USP26: variants seen among roughly 807,000 people sequenced by gnomAD.
USP26 encodes the protein ubiquitin specific peptidase 26, also known as ubiquitin carboxyl-terminal hydrolase 26.
For synonymous variants in USP26, 236 were observed against 240.6 expected, an observed-to-expected ratio of 0.98 and a Z score of 0.18; for missense variants, 649 against 642.3, an observed-to-expected ratio of 1.01 and a Z score of -0.11.
Position 133,039,771 on chromosome X carries a change from G to A in USP26, c.-76-11475C>T, listed in dbSNP as rs951521947. On this transcript the variant is annotated intron_variant, in intron 5 of 5. Transcript: ENST00000511190. ...TGTTAATTTTCTGTTTCATTGATCC[G>A]TCTAATATCGACAGTGGTGTGTTAA... 1.1e-4 allele frequency among the ~76,000 whole-genome samples: 12 copies of A among 111,409 alleles called. No homozygotes were observed. In the East Asian group the frequency reaches 1.4e-3, roughly 13 times the overall value.
intron 4 of USP26, among the ~76,000 whole-genome samples, chrX:133,086,899 G>A (rs1261944461): frequency 1.2e-5 from 1 of 81,677 alleles, no homozygotes; most frequent in African/African-American, 5.1e-5. Context: ...CGGTGACAGA[G>A]AGAGACTCTG....
chrX:133,052,689 G>C (rs1279580148), intron 5 of USP26, among the ~76,000 whole-genome samples: 3 of 112,252 alleles, frequency 2.7e-5, no homozygotes, highest in Non-Finnish European at 5.6e-5. Context: ...ATTTCAGGGA[G>C]AGTCTGAAGA....
At chrX:133,092,407 T>C (rs1445620730) in intron 1 of USP26, among the ~76,000 whole-genome samples, 1 of 112,084 alleles carries the variant, frequency 8.9e-6, no homozygotes, top group Admixed American at 9.5e-5. Flanking sequence ...AGCATTCTCA[T>C]GGTGTATTCG....
At chrX:133,037,217 G>A (rs1253182375) in intron 5 of USP26, among the ~76,000 whole-genome samples, 1 of 112,008 alleles carries the variant, frequency 8.9e-6, no homozygotes, top group Non-Finnish European at 1.9e-5. Context: ...TGTTGCAATT[G>A]CTTTTGGTGT....
At chrX:133,036,268 A>G (rs1342265884) in intron 5 of USP26, among the ~76,000 whole-genome samples, 1 of 109,946 alleles carries the variant, frequency 9.1e-6, no homozygotes, top group Non-Finnish European at 1.9e-5. Flanking sequence ...TGAACCCATC[A>G]TCTAGGTTTT....
At chrX:133,074,897 A>T (rs1354511826) in intron 5 of USP26, among the ~76,000 whole-genome samples, 1 of 112,278 alleles carries the variant, frequency 8.9e-6, no homozygotes, top group Non-Finnish European at 1.9e-5. Context: ...ATAGAAAACC[A>T]ATAGATTGTC....
In USP26 at chrX:133,026,006, T is replaced by C. The variant is rs2067345839; in HGVS notation, c.2215A>G (p.Thr739Ala). ...ATTCTCATACCGTCACACTGCTGAG[T>C]CTGTTCAGACACTTTTTGGAATCTT... ...PERFQKVSEQ[T>A]QQCDGMRICE... Residue 739 changes from threonine to alanine, a missense_variant, in exon 6 of 6, where the codon ACT (threonine) becomes GCT (alanine). Coordinates refer to ENST00000511190, the MANE Select transcript of USP26 (RefSeq NM_031907.3). The C allele has an allele frequency of 8.3e-7, 1 of 1,208,150 alleles. No individual in the cohort carries two copies. Among genetic ancestry groups the C allele is most frequent in the Non-Finnish European group, 1.1e-6 (1 of 893,899 alleles).
intron 5 of USP26, among the ~76,000 whole-genome samples, chrX:133,032,640 T>C (rs751592704): frequency 3.6e-5 from 4 of 112,063 alleles, no homozygotes; most frequent in Non-Finnish European, 5.6e-5. Context: ...TTCAGGTGTG[T>C]AATAGGCAGA....
At chrX:133,083,188 T>C (rs917492625) in intron 5 of USP26, among the ~76,000 whole-genome samples, 2 of 112,086 alleles carry the variant, frequency 1.8e-5, no homozygotes, top group African/African-American at 6.5e-5. Context: ...GGAATAGCAA[T>C]AAACTTCAGT....
intron 5 of USP26, among the ~76,000 whole-genome samples, chrX:133,069,032 G>GT (rs1157155334): frequency 9.0e-6 from 1 of 111,386 alleles, no homozygotes; most frequent in Non-Finnish European, 1.9e-5. Flanking sequence ...TATTCGAGAT[G>GT]TTTTTTAATG....
intron 5 of USP26, among the ~76,000 whole-genome samples, chrX:133,073,031 T>C (rs577197200): frequency 2.7e-5 from 3 of 111,960 alleles, no homozygotes; most frequent in African/African-American, 9.7e-5. Context: ...GGATAAATAA[T>C]TCAAATGGAA....
At chrX:133,039,275 T>C (rs757233638) in intron 5 of USP26, among the ~76,000 whole-genome samples, 8 of 112,007 alleles carry the variant, frequency 7.1e-5, no homozygotes, top group South Asian at 3.7e-4. Context: ...ATTTTAGATC[T>C]TTCCTGCTTT....
chrX:133,025,976 C>G lies in USP26; in HGVS notation c.2245G>C (p.Glu749Gln). The G allele has an allele frequency of 8.3e-7, 1 of 1,211,083 alleles. No individual in the cohort carries two copies. The change falls in exon 6 of 6, where the codon GAA (glutamate) becomes CAA (glutamine). Residue 749 changes from glutamate to glutamine, a missense_variant. Physicochemically the swap from Glu to Gln is conservative, Grantham distance 29. Transcript: ENST00000511190. ...GGCAGTGCCTGCTGAGGGGCTTGTTCACAGATTCTCATACCGTCACACTGC... is the reference window on the plus strand; with the variant it reads ...GGCAGTGCCTGCTGAGGGGCTTGTTGACAGATTCTCATACCGTCACACTGC... ...TQQCDGMRIC[E>Q]QAPQQALPQS...
chrX:133,070,000 C>T (rs1165018000), intron 5 of USP26, among the ~76,000 whole-genome samples: 3 of 111,316 alleles, frequency 2.7e-5, no homozygotes, highest in Non-Finnish European at 3.8e-5. Flanking sequence ...GCAGAAGCAA[C>T]GAACAGAGAA....
Position 133,026,263 on chromosome X carries a change from G to T in USP26, c.1958C>A (p.Pro653Gln), listed in dbSNP as rs148955505. The change falls in exon 6 of 6, where the codon CCG becomes CAG. Residue 653 changes from proline to glutamine, a missense_variant. By Grantham distance (76) the Pro-to-Gln change is moderately conservative. Transcript: ENST00000511190. The part of the protein sequence containing the change: ...SGDRAFIEKE[P>Q]LAHLMTYLED... ...CAGATACGTCATTAAGTGAGCTAAC[G>T]GTTCTTTTTCAATGAATGCTCGATC... The T allele has an allele frequency of 1.7e-6, 2 of 1,205,544 alleles. No homozygotes were observed. The highest frequency in any genetic ancestry group is 3.6e-5 in the African/African-American group (2 of 55,993).
At chrX:133,055,119 T>G (rs2067471215) in intron 5 of USP26, among the ~76,000 whole-genome samples, 1 of 112,494 alleles carries the variant, frequency 8.9e-6, no homozygotes, top group African/African-American at 3.2e-5. Flanking sequence ...AAAAAAAGCT[T>G]AAAGTGGCTG....
rs760995856 is a variant in USP26, at chrX:133,044,177, G to A, written c.-76-15881C>T. 2.7e-5 allele frequency among the ~76,000 whole-genome samples: 3 copies of A among 112,999 alleles called. No individual in the cohort carries two copies. In the South Asian group the frequency reaches 1.1e-3, roughly 41 times the overall value. ...TCTGAATAAGGAAAACAAATCACAA[G>A]CTGACAGCTTATGATAATGAGAGGT... On this transcript the variant is annotated intron_variant, in intron 5 of 5. Coordinates refer to ENST00000511190, the MANE Select transcript of USP26 (RefSeq NM_031907.3).
At chrX:133,071,132 G>A (rs1417100798) in intron 5 of USP26, among the ~76,000 whole-genome samples, 1 of 110,943 alleles carries the variant, frequency 9.0e-6, no homozygotes, top group Non-Finnish European at 1.9e-5. Context: ...CAGGAGAATT[G>A]CTTGAACCCA....
At chrX:133,088,099 G>A (rs766096063) in intron 4 of USP26, among the ~76,000 whole-genome samples, 1 of 111,824 alleles carries the variant, frequency 8.9e-6, no homozygotes, top group South Asian at 3.8e-4. Context: ...GAGCCCAGGA[G>A]TTCAAGACTG....
Sources: allele counts gnomAD v4.1 joint callset (sites outside exome capture counted in the v4.1 genomes callset), GRCh38; gene constraint gnomAD v4.1.1; transcripts MANE v1.5; gene names NCBI Gene and HGNC (gene_info 2026-07-23, HGNC 2026-07-21).